The following GRAMD1B variants were observed in gnomAD, a reference collection of about 807,000 sequenced individuals.
GRAMD1B encodes the protein protein Aster-B.
Under a neutral mutation model 99.7 loss-of-function variants are expected in GRAMD1B, and 37 were observed. The observed-to-expected ratio is 0.37, with a 90% confidence interval of 0.29 to 0.49. GRAMD1B has a LOEUF of 0.49. Among genes scored for constraint, GRAMD1B ranks in the 20% least tolerant of loss-of-function variants. GRAMD1B has a pLI of 0.98. For missense variants in GRAMD1B, 888 were observed against 1,009.2 expected (o/e 0.88, Z 1.63); for synonymous variants, 427 against 387.6 (o/e 1.10, Z -1.19).
chr11:123,400,954 T>C (rs1411947766), intron 1 of GRAMD1B, among the ~76,000 whole-genome samples: 1 of 152,146 alleles, frequency 6.6e-6, no homozygotes, highest in Non-Finnish European at 1.5e-5. Context: ...TTTATTGAAC[T>C]AATAAGGGAA....
chr11:123,555,333 T>C (rs900658790), intron 2 of GRAMD1B, among the ~76,000 whole-genome samples: 6 of 152,168 alleles, frequency 3.9e-5, no homozygotes, highest in African/African-American at 1.4e-4. Context: ...CATGGTATGG[T>C]GAAAAGATGG....
intron 12 of GRAMD1B, among the ~76,000 whole-genome samples, chr11:123,609,511 C>T (rs1953235987): frequency 6.6e-6 from 1 of 152,200 alleles, no homozygotes. Context: ...ACCAGTGTTG[C>T]CAGCACCCCC....
chr11:123,457,162 T>C (rs963085290), intron 1 of GRAMD1B, among the ~76,000 whole-genome samples: 1 of 103,006 alleles, frequency 9.7e-6, no homozygotes, highest in African/African-American at 3.9e-5. Context: ...ATCCCTCGAA[T>C]CCCTTCCTGC....
rs114258974 is a variant in GRAMD1B at position 123,479,075 on chromosome 11, T to C, written c.375-1741T>C. Among the ~76,000 whole-genome samples the C allele has an allele frequency of 4.7e-3, 718 of 152,310 alleles. 6 individuals carry two copies. The highest frequency in any genetic ancestry group is 0.015 in the African/African-American group (628 of 41,558). ...ATCCGAGCTGGCAAAGTGAAAATGA[T>C]GAGCAGCCACTGCATAGTGAACGAG... On this transcript the variant is annotated intron_variant, in intron 1 of 19. Transcript: ENST00000635736.
At chr11:123,488,668 C>A (rs559010469) in intron 2 of GRAMD1B, among the ~76,000 whole-genome samples, 238 of 139,974 alleles carry the variant, frequency 1.7e-3, no homozygotes, top group African/African-American at 5.5e-3. Context: ...AAAGCTTTGG[C>A]CCTCCTCCTC....
At chr11:123,608,502 ATGCCCACGAGCTCAGCTGTCC>A in intron 11 of GRAMD1B, 136 bp from the exon 12 acceptor site, 1 of 1,537,274 alleles carries the variant, frequency 6.5e-7, no homozygotes, top group East Asian at 2.4e-5. Context: ...GTCATAAACC[ATGCCCACGAGCTCAGCTGTCC>A]TGCTCCGTGT....
chr11:123,544,268 A>G (rs1171530713), intron 2 of GRAMD1B, among the ~76,000 whole-genome samples: 1 of 152,182 alleles, frequency 6.6e-6, no homozygotes, highest in Admixed American at 6.5e-5. Flanking sequence ...CCAATATTGT[A>G]GAGAAATCAA....
intron 2 of GRAMD1B, among the ~76,000 whole-genome samples, chr11:123,526,945 C>T (rs1942838539): frequency 6.6e-6 from 1 of 152,248 alleles, no homozygotes; most frequent in Admixed American, 6.5e-5. Context: ...GGCTTTTCAT[C>T]TGGTGGAGAA....
intron 2 of GRAMD1B, among the ~76,000 whole-genome samples, chr11:123,513,640 T>TTCTTTCTTTCTTTCTTTCTTTCTTTCTC (rs1390209377): frequency 6.9e-6 from 1 of 144,548 alleles, no homozygotes; most frequent in Non-Finnish European, 1.5e-5. Context: ...CTTTCTTTCT[T>TTCTTTCTTTCTTTCTTTCTTTCTTTCTC]TCTTTTTCTT....
intron 4 of GRAMD1B, among the ~76,000 whole-genome samples, chr11:123,588,092 C>G (rs1221976212): frequency 6.6e-6 from 1 of 151,864 alleles, no homozygotes; most frequent in Admixed American, 6.6e-5. Context: ...TCCTCGTCTC[C>G]CGTCCCACTC....
chr11:123,551,411 A>G (rs189559957), intron 2 of GRAMD1B, among the ~76,000 whole-genome samples: 1 of 152,316 alleles, frequency 6.6e-6, no homozygotes, highest in East Asian at 1.9e-4. Flanking sequence ...CAGGGACTCT[A>G]CGATGTTGTA....
chr11:123,363,206 T>A (rs924314808), intron 1 of GRAMD1B, among the ~76,000 whole-genome samples: 4 of 152,160 alleles, frequency 2.6e-5, no homozygotes, highest in African/African-American at 9.7e-5. Context: ...ATTGAAGCTG[T>A]CAAGCCTCAA....
chr11:123,464,259 A>G (rs1950564848), intron 1 of GRAMD1B, among the ~76,000 whole-genome samples: 1 of 152,106 alleles, frequency 6.6e-6, no homozygotes, highest in Admixed American at 6.6e-5. Flanking sequence ...AGCCATGTTC[A>G]TGCCACTGCA....
chr11:123,385,026 A>G (rs926890654), intron 1 of GRAMD1B, among the ~76,000 whole-genome samples: 3 of 152,218 alleles, frequency 2.0e-5, no homozygotes, highest in African/African-American at 7.2e-5. Flanking sequence ...GTTCAGTGAA[A>G]ACTGTCGCAT....
chr11:123,406,443 G>A (rs891590789), intron 1 of GRAMD1B, among the ~76,000 whole-genome samples: 3 of 152,080 alleles, frequency 2.0e-5, no homozygotes, highest in South Asian at 2.1e-4. Context: ...TAGTAGAGAC[G>A]GGGTTTCACC....
chr11:123,505,394 T>C (rs1052849415), intron 2 of GRAMD1B, among the ~76,000 whole-genome samples: 3 of 152,140 alleles, frequency 2.0e-5, no homozygotes, highest in Non-Finnish European at 4.4e-5. Context: ...ACTCTACCTC[T>C]ACAATCATCA....
At chr11:123,573,694 T>TG (rs1565394897) in intron 2 of GRAMD1B, among the ~76,000 whole-genome samples, 2 of 152,150 alleles carry the variant, frequency 1.3e-5, no homozygotes, top group African/African-American at 2.4e-5. Flanking sequence ...ATGGGTTTGT[T>TG]GGGGGGATTA....
chr11:123,519,868 C>T (rs1350242379), intron 2 of GRAMD1B, among the ~76,000 whole-genome samples: 1 of 152,210 alleles, frequency 6.6e-6, no homozygotes, highest in Non-Finnish European at 1.5e-5. Flanking sequence ...GCAGGAGGGC[C>T]GAATTCTCCC....
intron 1 of GRAMD1B, among the ~76,000 whole-genome samples, chr11:123,460,580 G>C (rs1383126405): frequency 1.3e-5 from 2 of 152,158 alleles, no homozygotes; most frequent in Non-Finnish European, 2.9e-5. Flanking sequence ...AGAGTTTTTG[G>C]TTAGGACTGT....
Sources: gnomAD v4.1 joint callset for allele counts (sites outside exome capture counted in the v4.1 genomes callset) on GRCh38, gnomAD v4.1.1 for gene constraint, MANE v1.5 for transcripts, NCBI Gene and HGNC (gene_info 2026-07-23, HGNC 2026-07-21) for gene names.